QSER1: variants seen among roughly 807,000 people sequenced by gnomAD.
The protein encoded by QSER1 is glutamine and serine-rich protein 1.
Under a neutral mutation model 158.5 loss-of-function variants are expected in QSER1, and 49 were observed. The observed-to-expected ratio is 0.31, with a 90% confidence interval of 0.25 to 0.39. The LOEUF is 0.39. Among genes scored for constraint, QSER1 ranks in the 10% least tolerant of loss-of-function variants. The pLI is 1.00. For synonymous variants in QSER1, 650 were observed against 715.5 expected (o/e 0.91, Z 1.46); for missense variants, 1,754 against 2,010.3 (o/e 0.87, Z 2.44).
intron 1 of QSER1, among the ~76,000 whole-genome samples, chr11:32,921,947 A>C (rs1220477508): frequency 6.6e-6 from 1 of 152,194 alleles, no homozygotes; most frequent in Non-Finnish European, 1.5e-5. Context: ...ATAGAAACCC[A>C]TATATATGGT....
intron 1 of QSER1, chr11:32,926,827 CAGA>C (rs1422359207): frequency 3.9e-5 from 6 of 152,048 alleles, no homozygotes; most frequent in African/African-American, 1.4e-4. Flanking sequence ...CACTGTAAGC[CAGA>C]AGTAGAGCCT....
intron 8 of QSER1, among the ~76,000 whole-genome samples, chr11:32,959,902 C>T (rs371079737): frequency 6.6e-6 from 1 of 152,070 alleles, no homozygotes; most frequent in African/African-American, 2.4e-5. Context: ...GCTGGGACTA[C>T]AGGTGGGCAC....
chr11:32,954,404 C>A (rs1852477418), intron 5 of QSER1, among the ~76,000 whole-genome samples: 1 of 152,118 alleles, frequency 6.6e-6, no homozygotes, highest in South Asian at 2.1e-4. Context: ...TAGTCAGTTG[C>A]ATTTCAGTAT....
chr11:32,904,194 T>TTC lies in QSER1; in HGVS notation c.209+10861_209+10862insCT, dbSNP rs1554923644. Among the ~76,000 whole-genome samples the TTC allele has an allele frequency of 2.6e-5, 4 of 151,258 alleles. No individual in the cohort carries two copies. In the East Asian group the frequency reaches 5.8e-4, roughly 22 times the overall value. ...AATAGTAAGCATTTCTTTTTCTTTT[T>TTC]TTTTTTTTTTTGTAGGGGAACAGAG... On this transcript the variant is annotated intron_variant, in intron 1 of 12. Coordinates refer to ENST00000650167, the MANE Select transcript of QSER1 (RefSeq NM_001076786.3).
At position 32,932,329 on chromosome 11, in the gene QSER1, C is replaced by T. The variant is rs374694077; in HGVS notation, c.1071C>T (p.Thr357=). ...NSSVVNFQET[T]RQSSLSCSPI... The stretch of plus-strand genomic sequence containing the variant: ...GTGTAGTTAATTTTCAGGAAACAAC[C>T]AGGCAGTCATCTTTATCCTGTAGCC... The change falls in exon 4 of 13, where the codon ACC becomes ACT. Residue 357 remains threonine, a synonymous_variant. Transcript: ENST00000650167. 9.9e-6 allele frequency: 16 copies of T among 1,612,872 alleles called. No individual in the cohort carries two copies. The African/African-American group carries it at 2.0e-4, about 20-fold the overall frequency.
chr11:32,897,823 C>G (rs1054661938), intron 1 of QSER1, among the ~76,000 whole-genome samples: 5 of 152,224 alleles, frequency 3.3e-5, no homozygotes, highest in African/African-American at 9.6e-5. Context: ...CATCACACCT[C>G]TGCTTCTCTA....
intron 7 of QSER1, among the ~76,000 whole-genome samples, chr11:32,956,420 A>T (rs1852513105): frequency 6.6e-6 from 1 of 152,248 alleles, no homozygotes; most frequent in Admixed American, 6.5e-5. Context: ...TATGTGACTT[A>T]GAGAAGACAG....
At chr11:32,910,960 T>C (rs183473458) in intron 1 of QSER1, among the ~76,000 whole-genome samples, 3 of 152,346 alleles carry the variant, frequency 2.0e-5, no homozygotes, top group Admixed American at 6.5e-5. Flanking sequence ...GATAGTACAA[T>C]GTAATAATTG....
chr11:32,913,804 G>A (rs906142398), intron 1 of QSER1, among the ~76,000 whole-genome samples: 1 of 152,176 alleles, frequency 6.6e-6, no homozygotes, highest in African/African-American at 2.4e-5. Context: ...TTGAGGAAAC[G>A]GAGACTTGGT....
chr11:32,932,584 A>T lies in QSER1; in HGVS notation c.1326A>T (p.Leu442Phe). The change falls in exon 4 of 13, where the codon TTA (leucine) becomes TTT (phenylalanine). Residue 442 changes from leucine to phenylalanine, a missense_variant. Coordinates refer to ENST00000650167, the MANE Select transcript of QSER1 (RefSeq NM_001076786.3). ...PVQTLSYSKP[L>F]HNQSSVISGQ... ...AAACACTAAGCTATTCCAAACCTTT[A>T]CATAATCAGAGTTCTGTAATATCGG... 1 of 1,614,168 alleles carries T rather than the reference A, an allele frequency of 6.2e-7. No homozygotes were observed. Among genetic ancestry groups the T allele is most frequent in the Non-Finnish European group, 8.5e-7 (1 of 1,180,026 alleles).
chr11:32,911,114 G>A (rs1275943529), intron 1 of QSER1, among the ~76,000 whole-genome samples: 1 of 152,048 alleles, frequency 6.6e-6, no homozygotes, highest in Non-Finnish European at 1.5e-5. Flanking sequence ...TTGATTTTTG[G>A]AGACATTCCT....
intron 1 of QSER1, among the ~76,000 whole-genome samples, chr11:32,913,499 C>T (rs1021997999): frequency 1.5e-4 from 23 of 152,174 alleles, no homozygotes; most frequent in Non-Finnish European, 2.6e-4. Flanking sequence ...GGTCTTTCCT[C>T]GTCCTTTTAA....
At position 32,958,555 on chromosome 11, in the gene QSER1, T is replaced by C. The variant is rs1048241456; in HGVS notation, c.4969+469T>C. Among the ~76,000 whole-genome samples the C allele has an allele frequency of 1.6e-4, 24 of 152,266 alleles. No individual in the cohort carries two copies. In the East Asian group the frequency reaches 4.4e-3, roughly 28 times the overall value. On this transcript the variant is annotated intron_variant, in intron 8 of 12. Coordinates refer to ENST00000650167, the MANE Select transcript of QSER1 (RefSeq NM_001076786.3). ...TGTGCACCACCATGCCCAGCTAATG[T>C]TTCTTTTTAAGATATGGGCTCTTGC... is the stretch of plus-strand genomic sequence containing the variant.
chr11:32,950,102 T>C (rs566582911), intron 4 of QSER1, among the ~76,000 whole-genome samples: 1 of 152,266 alleles, frequency 6.6e-6, no homozygotes, highest in East Asian at 1.9e-4. Flanking sequence ...TCCCTTTTTT[T>C]TTCTTTTTTT....
chr11:32,903,325 C>G (rs1046582261), intron 1 of QSER1, among the ~76,000 whole-genome samples: 1 of 150,356 alleles, frequency 6.7e-6, no homozygotes, highest in Non-Finnish European at 1.5e-5. Context: ...CATGAGAGAA[C>G]AAAACCAAGA....
intron 7 of QSER1, 118 bp from the exon 8 acceptor site, chr11:32,957,751 G>A: frequency 1.2e-6 from 1 of 808,872 alleles, no homozygotes; most frequent in East Asian, 2.7e-5. Flanking sequence ...TGTATATTTT[G>A]AAGGTATTGG....
At chr11:32,929,747 C>A (rs941600991) in intron 3 of QSER1, among the ~76,000 whole-genome samples, 2 of 152,174 alleles carry the variant, frequency 1.3e-5, no homozygotes, top group African/African-American at 4.8e-5. Flanking sequence ...TCATTAGATG[C>A]ATTTCAAAAT....
intron 7 of QSER1, 151 bp from the exon 8 acceptor site, chr11:32,957,718 T>G (rs1852544808): frequency 4.0e-4 from 248 of 621,154 alleles, no homozygotes; most frequent in Non-Finnish European, 4.9e-4. Flanking sequence ...GAATCACCAT[T>G]GAGATGTATA....
chr11:32,976,500 T>C lies in QSER1; in HGVS notation c.*26T>C, dbSNP rs779705417. The C allele has an allele frequency of 3.1e-6, 5 of 1,609,586 alleles. No individual in the cohort carries two copies. The highest frequency in any genetic ancestry group is 1.3e-5 in the African/African-American group (1 of 74,694). The stretch of plus-strand genomic sequence containing the variant: ...CTTTTCCACAAAAATCCCATCTTTT[T>C]ATAGCACTAATGAAATGGCAGATAT... On this transcript the variant is annotated 3_prime_UTR_variant, in exon 13 of 13. Transcript: ENST00000650167.
Sources: gnomAD v4.1 joint callset for allele counts (sites outside exome capture counted in the v4.1 genomes callset) on GRCh38, gnomAD v4.1.1 for gene constraint, MANE v1.5 for transcripts, NCBI Gene and HGNC (gene_info 2026-07-23, HGNC 2026-07-21) for gene names.